Variants in ADAMTS12 observed in about 807,000 individuals in gnomAD.
ADAMTS12 encodes A disintegrin and metalloproteinase with thrombospondin motifs 12.
Under a neutral mutation model 167.8 loss-of-function variants are expected in ADAMTS12, and 118 were observed. The ratio of observed to expected loss-of-function variants is 0.70; its 90% CI spans 0.61 to 0.82. ADAMTS12 has a LOEUF of 0.82. Among genes scored for constraint, ADAMTS12 ranks in the 40% least tolerant of loss-of-function variants. ADAMTS12 has a pLI of 0.00. For missense variants in ADAMTS12, 1,916 were observed against 1,998.8 expected (o/e 0.96, Z 0.79); for synonymous variants, 704 against 716.9 (o/e 0.98, Z 0.29).
intron 4 of ADAMTS12, 43 bp downstream of exon 4, chr5:33,683,816 A>C: frequency 5.9e-6 from 8 of 1,364,594 alleles, no homozygotes; most frequent in Non-Finnish European, 7.7e-6. Context: ...TTCTAATGAC[A>C]TCTGTTCACT....
At chr5:33,722,636 CA>C (rs1403746167) in intron 3 of ADAMTS12, among the ~76,000 whole-genome samples, 1 of 152,160 alleles carries the variant, frequency 6.6e-6, no homozygotes, top group Non-Finnish European at 1.5e-5. Context: ...TTTGGCTATG[CA>C]GAAACGAAGA....
At chr5:33,873,284 G>C (rs897144630) in intron 2 of ADAMTS12, among the ~76,000 whole-genome samples, 1 of 151,422 alleles carries the variant, frequency 6.6e-6, no homozygotes, top group Non-Finnish European at 1.5e-5. Context: ...TGAACAAGAA[G>C]TATTTAAAAT....
At chr5:33,588,200 CTT>C (rs1747453517) in intron 18 of ADAMTS12, among the ~76,000 whole-genome samples, 1 of 152,154 alleles carries the variant, frequency 6.6e-6, no homozygotes, top group African/African-American at 2.4e-5. Context: ...AAGCGACACT[CTT>C]TTGGTTTGGG....
intron 3 of ADAMTS12, among the ~76,000 whole-genome samples, chr5:33,711,921 A>G (rs531501622): frequency 1.4e-4 from 22 of 152,192 alleles, no homozygotes; most frequent in Non-Finnish European, 2.8e-4. Flanking sequence ...AATTTTAAGA[A>G]TAGTATTTCC....
intron 2 of ADAMTS12, among the ~76,000 whole-genome samples, chr5:33,843,019 G>C (rs1748801174): frequency 6.6e-6 from 1 of 152,174 alleles, no homozygotes; most frequent in South Asian, 2.1e-4. Context: ...CCCATAGCAT[G>C]AATTGGAAGG....
intron 11 of ADAMTS12, among the ~76,000 whole-genome samples, chr5:33,638,997 G>A (rs568942406): frequency 7.9e-5 from 12 of 152,218 alleles, no homozygotes; most frequent in Middle Eastern, 3.4e-3. Context: ...GCCTCCTATC[G>A]CAGGAGTGCC....
chr5:33,632,156 A>G (rs1456943510), intron 12 of ADAMTS12, among the ~76,000 whole-genome samples: 12 of 152,220 alleles, frequency 7.9e-5, no homozygotes, highest in African/African-American at 2.7e-4. Context: ...GCAGAAAGTT[A>G]GATAACACAT....
intron 14 of ADAMTS12, among the ~76,000 whole-genome samples, chr5:33,618,430 A>G (rs112542515): frequency 0.015 from 2,238 of 152,306 alleles, 66 homozygotes; most frequent in African/African-American, 0.051. Flanking sequence ...AGTGTTCTAT[A>G]TGGTACTAAT....
At chr5:33,796,209 A>G (rs1746770585) in intron 2 of ADAMTS12, among the ~76,000 whole-genome samples, 1 of 152,236 alleles carries the variant, frequency 6.6e-6, no homozygotes, top group Non-Finnish European at 1.5e-5. Context: ...AAAGCGTGGC[A>G]TACTCTATCC....
intron 16 of ADAMTS12, among the ~76,000 whole-genome samples, chr5:33,598,712 A>G (rs756408864): frequency 6.6e-6 from 1 of 152,240 alleles, no homozygotes; most frequent in Non-Finnish European, 1.5e-5. Flanking sequence ...AAATGATATT[A>G]GTTCATATTG....
chr5:33,846,988 G>A (rs1748970248), intron 2 of ADAMTS12, among the ~76,000 whole-genome samples: 1 of 152,108 alleles, frequency 6.6e-6, no homozygotes, highest in Non-Finnish European at 1.5e-5. Flanking sequence ...CCTCCTTTCT[G>A]TCTTCTCTCC....
intron 19 of ADAMTS12, among the ~76,000 whole-genome samples, chr5:33,573,948 A>C (rs1192274387): frequency 6.6e-6 from 1 of 152,280 alleles, no homozygotes; most frequent in Non-Finnish European, 1.5e-5. Context: ...ATATGAGCAG[A>C]TACTTCTCAA....
intron 15 of ADAMTS12, 129 bp downstream of exon 15, chr5:33,615,699 C>T (rs1170076913): frequency 7.9e-7 from 1 of 1,258,448 alleles, no homozygotes. Flanking sequence ...ATCTCATTCC[C>T]CTCCCTGCTC....
chr5:33,838,587 TAGG>T (rs1364360675), intron 2 of ADAMTS12, among the ~76,000 whole-genome samples: 2 of 151,950 alleles, frequency 1.3e-5, no homozygotes, highest in Admixed American at 1.3e-4. Flanking sequence ...GAGGCTGAGG[TAGG>T]AGAATTGCTT....
At chr5:33,804,368 T>C (rs1747138165) in intron 2 of ADAMTS12, among the ~76,000 whole-genome samples, 1 of 152,158 alleles carries the variant, frequency 6.6e-6, no homozygotes, top group African/African-American at 2.4e-5. Flanking sequence ...ATCACTGCCA[T>C]GGGAAGAGCC....
rs113828346 is a variant in ADAMTS12 at position 33,526,975 on chromosome 5, A to C, written c.*213T>G. Reference sequence around the variant, plus strand: ...GCTGCCTGATTCTCCTAGCTATTTCACCTTCCTATCAGGGAGCAGCAAGTA... The same window carrying C: ...GCTGCCTGATTCTCCTAGCTATTTCCCCTTCCTATCAGGGAGCAGCAAGTA... On this transcript the variant is annotated 3_prime_UTR_variant, in exon 24 of 24. Transcript: ENST00000504830. 8 of 560,676 alleles carry C rather than the reference A, an allele frequency of 1.4e-5. No homozygotes were observed. In the African/African-American group the frequency reaches 1.5e-4, roughly 11 times the overall value. 34.7% of individuals were successfully genotyped at this position (560,676 alleles called of 1,614,324 possible). A position where few individuals can be genotyped will look rare whatever the true frequency, so the allele number is the denominator to read the frequency against.
intron 13 of ADAMTS12, among the ~76,000 whole-genome samples, chr5:33,625,605 G>GA (rs1247354852): frequency 1.3e-5 from 2 of 152,190 alleles, no homozygotes; most frequent in Admixed American, 1.3e-4. Context: ...ATAAAGGAAA[G>GA]AAAGTCAGAA....
intron 22 of ADAMTS12, 45 bp from the exon 23 acceptor site, chr5:33,535,037 TC>T: frequency 6.5e-7 from 1 of 1,538,570 alleles, no homozygotes; most frequent in East Asian, 2.3e-5. Context: ...TCCCCACGAC[TC>T]CCAAGGAAAC....
At chr5:33,709,623 C>A (rs1743322788) in intron 3 of ADAMTS12, among the ~76,000 whole-genome samples, 1 of 151,986 alleles carries the variant, frequency 6.6e-6, no homozygotes, top group Non-Finnish European at 1.5e-5. Flanking sequence ...CCAAACACTG[C>A]ATGTTCTCAC....
Sources: gnomAD v4.1 joint callset for allele counts (sites outside exome capture counted in the v4.1 genomes callset) on GRCh38, gnomAD v4.1.1 for gene constraint, MANE v1.5 for transcripts, NCBI Gene and HGNC (gene_info 2026-07-23, HGNC 2026-07-21) for gene names.